TNRC6A: variants seen among roughly 807,000 people sequenced by gnomAD.
TNRC6A encodes the protein trinucleotide repeat containing adaptor 6A.
A neutral mutation model predicts 221.2 loss-of-function variants in TNRC6A; 44 were observed. That is an observed-to-expected ratio of 0.20 (90% CI 0.16 to 0.26). The LOEUF (loss-of-function observed/expected upper bound fraction) is 0.26, where lower values mean the gene tolerates loss of function less well. TNRC6A is among the 10% of genes least tolerant of loss of function. The pLI, the probability that TNRC6A is intolerant of heterozygous loss-of-function variation, is 1.00. For synonymous variants in TNRC6A, 847 were observed against 838.5 expected (o/e 1.01, Z -0.18); for missense variants, 2,199 against 2,404.4 (o/e 0.91, Z 1.79).
chr16:24,709,140 C>T (rs2056155586), intron 2 of TNRC6A, among the ~76,000 whole-genome samples: 1 of 152,074 alleles, frequency 6.6e-6, no homozygotes, highest in Non-Finnish European at 1.5e-5. Context: ...GCCTGTAATT[C>T]CAGCTACTCG....
At chr16:24,676,090 CTCAGAAT>C (rs2055415802) in intron 2 of TNRC6A, among the ~76,000 whole-genome samples, 1 of 151,772 alleles carries the variant, frequency 6.6e-6, no homozygotes, top group Admixed American at 6.6e-5. Context: ...CTGATAATGC[CTCAGAAT>C]TCATATATGT....
intron 2 of TNRC6A, among the ~76,000 whole-genome samples, chr16:24,700,070 A>T (rs541515942): frequency 6.6e-6 from 1 of 151,952 alleles, no homozygotes; most frequent in South Asian, 2.1e-4. Context: ...ACCCACAGTA[A>T]CTCTAGTATC....
At chr16:24,652,816 TAA>T (rs1229061416) in intron 2 of TNRC6A, among the ~76,000 whole-genome samples, 1 of 152,202 alleles carries the variant, frequency 6.6e-6, no homozygotes, top group Non-Finnish European at 1.5e-5. Context: ...CCCTGTAGAT[TAA>T]GTTTACCCCA....
intron 7 of TNRC6A, among the ~76,000 whole-genome samples, chr16:24,794,283 A>G (rs531185731): frequency 6.6e-6 from 1 of 152,318 alleles, no homozygotes; most frequent in African/African-American, 2.4e-5. Context: ...GAGTGCTACC[A>G]TTGTCCATGT....
At chr16:24,747,646 C>G (rs1245716846) in intron 2 of TNRC6A, among the ~76,000 whole-genome samples, 1 of 152,016 alleles carries the variant, frequency 6.6e-6, no homozygotes, top group Non-Finnish European at 1.5e-5. Context: ...TGTTGTTTTT[C>G]CAGTTGGCTT....
At position 24,794,562 on chromosome 16, in the gene TNRC6A, A is replaced by C; in HGVS notation, c.3371A>C (p.Asp1124Ala). 6.2e-7 allele frequency: 1 copy of C among 1,612,110 alleles called. No individual in the cohort carries two copies. The highest frequency in any genetic ancestry group is 8.5e-7 in the Non-Finnish European group (1 of 1,179,434). ...CAATCAGGGCCAAAATCTATGCAAG[A>C]TGGCTGGTGTGGTGATGATATGCCA... Reference protein sequence around the residue: ...LSKSGPKSMQDGWCGDDMPLP... With the variant: ...LSKSGPKSMQAGWCGDDMPLP... The change falls in exon 8 of 25, where the codon GAT becomes GCT. Residue 1124 changes from aspartate to alanine, a missense_variant. By Grantham distance (126) the Asp-to-Ala change is moderately radical. Transcript: ENST00000395799.
chr16:24,737,764 T>G (rs1173693202), intron 2 of TNRC6A, among the ~76,000 whole-genome samples: 2 of 152,238 alleles, frequency 1.3e-5, no homozygotes, highest in Non-Finnish European at 2.9e-5. Context: ...GCAATAATAT[T>G]GAATATTTTT....
chr16:24,750,852 A>C, intron 3 of TNRC6A, 39 bp downstream of exon 3: 1 of 1,399,664 alleles, frequency 7.1e-7, no homozygotes, highest in Non-Finnish European at 9.4e-7. Flanking sequence ...AGCAGTTTAA[A>C]CATAGAATTA....
chr16:24,620,413 G>C (rs7197295), intron 1 of TNRC6A, among the ~76,000 whole-genome samples: 27,997 of 152,060 alleles, frequency 0.18, 2,717 homozygotes, highest in African/African-American at 0.23. Context: ...AGTCAAGGAA[G>C]TAGATTATGG....
chr16:24,657,539 G>A (rs1237313081), intron 2 of TNRC6A, among the ~76,000 whole-genome samples: 7 of 151,806 alleles, frequency 4.6e-5, no homozygotes, highest in African/African-American at 7.2e-5. Flanking sequence ...GTGAAACCCC[G>A]TTTCCATTAA....
chr16:24,643,078 AT>A, intron 2 of TNRC6A, among the ~76,000 whole-genome samples: 3 of 133,232 alleles, frequency 2.3e-5, no homozygotes, highest in South Asian at 4.5e-4. Flanking sequence ...TTATATATAT[AT>A]TATATATATA....
intron 2 of TNRC6A, among the ~76,000 whole-genome samples, chr16:24,650,199 C>T (rs1567325117): frequency 6.6e-6 from 1 of 151,832 alleles, no homozygotes; most frequent in Non-Finnish European, 1.5e-5. Context: ...CAGTTGCCTG[C>T]CTTTATTTTA....
intron 5 of TNRC6A, among the ~76,000 whole-genome samples, chr16:24,785,596 CAT>C (rs1426011847): frequency 6.6e-6 from 1 of 152,078 alleles, no homozygotes; most frequent in African/African-American, 2.4e-5. Context: ...ATTTTTGAGT[CAT>C]ATTTTATCAG....
At chr16:24,732,619 A>G (rs558206855) in intron 2 of TNRC6A, among the ~76,000 whole-genome samples, 1 of 152,236 alleles carries the variant, frequency 6.6e-6, no homozygotes, top group African/African-American at 2.4e-5. Context: ...CAAAATTTGA[A>G]AATTTCTTTT....
intron 1 of TNRC6A, among the ~76,000 whole-genome samples, chr16:24,637,777 T>A (rs537153392): frequency 5.3e-5 from 8 of 152,276 alleles, no homozygotes; most frequent in South Asian, 2.1e-4. Flanking sequence ...TGCCATTTTT[T>A]AATTTATTTA....
chr16:24,758,887 A>G (rs555064281), intron 4 of TNRC6A, among the ~76,000 whole-genome samples: 1 of 152,040 alleles, frequency 6.6e-6, no homozygotes, highest in Non-Finnish European at 1.5e-5. Flanking sequence ...CAAGCAAAAG[A>G]CATCGGAGTG....
At chr16:24,816,988 G>T in intron 20 of TNRC6A, 32 bp downstream of exon 20, 1 of 1,602,762 alleles carries the variant, frequency 6.2e-7, no homozygotes, top group Non-Finnish European at 8.5e-7. Flanking sequence ...ATTTCTGAGT[G>T]ACACTTAACA....
chr16:24,757,163 A>G (rs2057269505), intron 3 of TNRC6A, among the ~76,000 whole-genome samples: 1 of 152,098 alleles, frequency 6.6e-6, no homozygotes, highest in Admixed American at 6.5e-5. Flanking sequence ...TTTGATCCAT[A>G]GAGTAAAAGA....
chr16:24,638,605 C>T (rs1396051929), intron 1 of TNRC6A, among the ~76,000 whole-genome samples: 5 of 151,782 alleles, frequency 3.3e-5, no homozygotes, highest in Non-Finnish European at 7.4e-5. Context: ...CCCAGCTACT[C>T]GGGAGGCTGA....
Sources: allele counts gnomAD v4.1 joint callset (sites outside exome capture counted in the v4.1 genomes callset), GRCh38; gene constraint gnomAD v4.1.1; transcripts MANE v1.5; gene names NCBI Gene and HGNC (gene_info 2026-07-23, HGNC 2026-07-21).